The following PSPH variants were observed in gnomAD, a reference collection of about 807,000 sequenced individuals.
PSPH encodes the protein phosphoserine phosphatase, also known as L-3-phosphoserine phosphatase.
A neutral mutation model predicts 23.4 loss-of-function variants in PSPH; 16 were observed. The observed-to-expected ratio is 0.68, with a 90% CI of 0.46 to 1.04. The LOEUF (loss-of-function observed/expected upper bound fraction) is 1.04. Ranked by LOEUF, PSPH falls within the 50% of genes least tolerant of loss-of-function variation. The pLI, the probability that PSPH is intolerant of heterozygous loss-of-function variation, is 0.00. For synonymous variants in PSPH, 68 were observed against 99.7 expected, an observed-to-expected ratio of 0.68 and a Z score of 1.89; for missense variants, 223 against 273.7, an observed-to-expected ratio of 0.81 and a Z score of 1.31.
At chr7:56,035,156 C>T (rs1004179234) in intron 1 of PSPH, among the ~76,000 whole-genome samples, 22 of 152,210 alleles carry the variant, frequency 1.4e-4, no homozygotes, top group African/African-American at 5.1e-4. Context: ...GCCTGGCCAA[C>T]ATGGCAAAAC....
At chr7:56,045,053 C>T (rs1793043631) in intron 1 of PSPH, among the ~76,000 whole-genome samples, 2 of 109,160 alleles carry the variant, frequency 1.8e-5, no homozygotes, top group Non-Finnish European at 3.6e-5. Context: ...GCCTGGGCAA[C>T]AAGAGTGAAA....
At chr7:56,047,786 C>A (rs1228166052) in intron 1 of PSPH, among the ~76,000 whole-genome samples, 3 of 151,876 alleles carry the variant, frequency 2.0e-5, no homozygotes, top group Admixed American at 1.3e-4. Context: ...CCTGCCTCAG[C>A]CTACTGAGTA....
In PSPH at chr7:56,023,968, C is replaced by T. The variant is rs1305258842; in HGVS notation, c.-19-2737G>A. Among the ~76,000 whole-genome samples the T allele has an allele frequency of 2.6e-5, 4 of 151,884 alleles. No individual in the cohort carries two copies. The East Asian group carries it at 7.7e-4, about 29-fold the overall frequency. On this transcript the variant is annotated intron_variant, in intron 3 of 7. Transcript: ENST00000275605. Reference sequence around the variant, plus strand: ...TTGAGACAGAGTCTGGCTCTGTCGCCCAGGCTGGAGTGCAGTGGCGCGATC... The same window carrying T: ...TTGAGACAGAGTCTGGCTCTGTCGCTCAGGCTGGAGTGCAGTGGCGCGATC...
chr7:56,044,891 T>C (rs1793018312), intron 1 of PSPH, among the ~76,000 whole-genome samples: 1 of 136,486 alleles, frequency 7.3e-6, no homozygotes, highest in South Asian at 2.4e-4. Flanking sequence ...CTGACCAACA[T>C]GGAGAAACCC....
At chr7:56,026,549 CCCAGGACTTTGGGCAGCCAAGACAGG>C (rs1468680827) in intron 3 of PSPH, among the ~76,000 whole-genome samples, 1 of 148,342 alleles carries the variant, frequency 6.7e-6, no homozygotes, top group Non-Finnish European at 1.5e-5. Context: ...GATGCCTGTT[CCCAGGACTTTGGGCAGCCAAGACAGG>C]TGATTGCTTA....
intron 1 of PSPH, among the ~76,000 whole-genome samples, chr7:56,047,731 A>G (rs1417574783): frequency 6.8e-6 from 1 of 147,610 alleles, no homozygotes; most frequent in Non-Finnish European, 1.5e-5. Context: ...CAGTGGCGTG[A>G]TCTTGACTCA....
chr7:56,023,109 G>C (rs1428587976), intron 3 of PSPH, among the ~76,000 whole-genome samples: 4 of 151,894 alleles, frequency 2.6e-5, no homozygotes, highest in African/African-American at 9.7e-5. Context: ...TAGAGAGAGG[G>C]AGAAGAAAAG....
intron 4 of PSPH, 28 bp from the exon 5 acceptor site, chr7:56,019,762 A>G: frequency 6.2e-7 from 1 of 1,611,180 alleles, no homozygotes. Context: ...CAGTCAGGCC[A>G]GCCAGGTCCG....
chr7:56,039,944 A>G (rs1447516947), intron 1 of PSPH, among the ~76,000 whole-genome samples: 1 of 151,828 alleles, frequency 6.6e-6, no homozygotes, highest in Non-Finnish European at 1.5e-5. Context: ...TAAAAATACA[A>G]AAAAATTAGC....
At chr7:56,043,543 G>A (rs562370592) in intron 1 of PSPH, among the ~76,000 whole-genome samples, 21 of 151,914 alleles carry the variant, frequency 1.4e-4, no homozygotes, top group Admixed American at 2.0e-4. Flanking sequence ...GAGGCTGGGC[G>A]TGGTGGCTCA....
intron 3 of PSPH, among the ~76,000 whole-genome samples, chr7:56,024,137 G>A (rs1055416835): frequency 1.3e-5 from 2 of 151,214 alleles, no homozygotes; most frequent in Non-Finnish European, 2.9e-5. Flanking sequence ...CCGTGGTCTC[G>A]ATCTCCTGAC....
chr7:56,027,786 C>T (rs1790415811), intron 3 of PSPH, among the ~76,000 whole-genome samples: 1 of 146,138 alleles, frequency 6.8e-6, no homozygotes, highest in African/African-American at 2.5e-5. Flanking sequence ...CAGTGGCTCA[C>T]ACTTGTAATA....
chr7:56,037,706 ATTTTTTTT>A (rs71015167), intron 1 of PSPH, among the ~76,000 whole-genome samples: 25,672 of 115,646 alleles, frequency 0.22, 2,518 homozygotes, highest in African/African-American at 0.29. Flanking sequence ...AAGCTAACAA[ATTTTTTTT>A]TTTTTTTTTT....
At chr7:56,035,889 G>A (rs1304296513) in intron 1 of PSPH, among the ~76,000 whole-genome samples, 1 of 151,616 alleles carries the variant, frequency 6.6e-6, no homozygotes, top group African/African-American at 2.4e-5. Context: ...CAAAGTGCTG[G>A]GATTACAGGC....
At chr7:56,014,218 A>T (rs1788298696) in intron 7 of PSPH, among the ~76,000 whole-genome samples, 1 of 152,220 alleles carries the variant, frequency 6.6e-6, no homozygotes, top group African/African-American at 2.4e-5. Flanking sequence ...TATATAAAGC[A>T]TAAAATGACA....
chr7:56,038,466 A>G (rs374273790), intron 1 of PSPH, among the ~76,000 whole-genome samples: 4 of 151,702 alleles, frequency 2.6e-5, no homozygotes, highest in East Asian at 1.9e-4. Flanking sequence ...CTAAAAAACA[A>G]ACAGACAAAA....
intron 2 of PSPH, among the ~76,000 whole-genome samples, chr7:56,032,941 T>G (rs1156852396): frequency 6.8e-6 from 1 of 146,932 alleles, no homozygotes. Context: ...AGTGAGACCC[T>G]GTCTCTTAAA....
chr7:56,015,903 C>A (rs1788491760), intron 6 of PSPH, among the ~76,000 whole-genome samples: 1 of 152,056 alleles, frequency 6.6e-6, no homozygotes, highest in African/African-American at 2.4e-5. Context: ...GGTGATCAGA[C>A]TTGCCTCGGC....
chr7:56,044,222 A>G (rs1191649177), intron 1 of PSPH, among the ~76,000 whole-genome samples: 1 of 152,156 alleles, frequency 6.6e-6, no homozygotes, highest in African/African-American at 2.4e-5. Flanking sequence ...GATTACAGGC[A>G]TGAGCCACTG....
Sources: gnomAD v4.1 joint callset for allele counts (sites outside exome capture counted in the v4.1 genomes callset) on GRCh38, gnomAD v4.1.1 for gene constraint, MANE v1.5 for transcripts, NCBI Gene and HGNC (gene_info 2026-07-23, HGNC 2026-07-21) for gene names.